Variants in ALK observed in about 807,000 individuals in gnomAD.
ALK encodes the protein ALK receptor tyrosine kinase.
ALK carries 74 observed loss-of-function variants against 163.1 expected under a neutral mutation model. That is an observed-to-expected ratio of 0.45 (90% CI 0.38 to 0.55). The LOEUF is 0.55. Ranked by LOEUF, ALK falls within the 20% of genes least tolerant of loss-of-function variation. The pLI is 0.00. For missense variants in ALK, 2,063 were observed against 2,105.3 expected (o/e 0.98, Z 0.39); for synonymous variants, 960 against 843.2 (o/e 1.14, Z -2.40).
At position 29,508,277 on chromosome 2, in the gene ALK, G is replaced by A. The variant is rs1672395937; in HGVS notation, c.1154+23638C>T. 2.0e-5 allele frequency among the ~76,000 whole-genome samples: 3 copies of A among 152,298 alleles called. No individual in the cohort carries two copies. The South Asian group carries it at 6.2e-4, about 32-fold the overall frequency. ...CATTTCCTTTCTGACTCCTGCTACT[G>A]AAAGTGGTCTGTTCAGAGCAGTATA... On this transcript the variant is annotated intron_variant, in intron 4 of 28. Transcript: ENST00000389048.
At chr2:29,831,451 A>T (rs943052366) in intron 1 of ALK, among the ~76,000 whole-genome samples, 11 of 151,956 alleles carry the variant, frequency 7.2e-5, no homozygotes, top group Non-Finnish European at 1.5e-4. Flanking sequence ...TTATGCCCTG[A>T]GGCACAATGA....
intron 3 of ALK, among the ~76,000 whole-genome samples, chr2:29,571,285 T>C (rs1674360595): frequency 6.6e-6 from 1 of 152,188 alleles, no homozygotes; most frequent in South Asian, 2.1e-4. Flanking sequence ...GGTTTGGTTC[T>C]GTGTCCCCAC....
chr2:29,532,029 A>C lies in ALK; in HGVS notation c.1040T>G (p.Leu347Arg), dbSNP rs1434183411. ...CAGGTGCCTGTGCACCGAGACGGCC[A>C]GTGTGCAGTGCTCACTGCTGCTCCT... ...WMRSSSEHCTLAVSVHRHLQP... is the reference protein window; with the variant it reads ...WMRSSSEHCTRAVSVHRHLQP... The change falls in exon 4 of 29, where the codon CTG becomes CGG. Residue 347 changes from leucine (L) to arginine (R), a missense_variant. This residue lies in a region of ALK where 987 missense variants were observed against 939.5 expected (regional missense o/e 1.05). Coordinates refer to ENST00000389048, the MANE Select transcript of ALK (RefSeq NM_004304.5). 1 of 1,614,148 alleles carries C rather than the reference A, an allele frequency of 6.2e-7. No homozygotes were observed. Among genetic ancestry groups the C allele is most frequent in the South Asian group, 1.1e-5 (1 of 91,072 alleles).
At chr2:29,764,256 G>T (rs993300283) in intron 1 of ALK, among the ~76,000 whole-genome samples, 1 of 152,130 alleles carries the variant, frequency 6.6e-6, no homozygotes, top group Admixed American at 6.5e-5. Context: ...AAGTGATTGT[G>T]GGGAGGGTGG....
At chr2:29,819,464 T>C (rs929011093) in intron 1 of ALK, among the ~76,000 whole-genome samples, 6 of 152,234 alleles carry the variant, frequency 3.9e-5, no homozygotes, top group Admixed American at 2.6e-4. Context: ...CTTGAAACAC[T>C]GCTGGCTTGC....
At position 29,304,499 on chromosome 2, in the gene ALK, A is replaced by AAG. The variant is rs1295059326; in HGVS notation, c.1648-7443_1648-7442insCT. On this transcript the variant is annotated intron_variant, in intron 8 of 28. Coordinates refer to ENST00000389048, the MANE Select transcript of ALK (RefSeq NM_004304.5). ...AATAGAGCAAGACTGTGTCTAAAAA[A>AAG]AAAAAAAAAAAAGAAAAGAAAAAAG... Among the ~76,000 whole-genome samples the AAG allele has an allele frequency of 7.3e-5, 11 of 151,180 alleles. 1 individual carries two copies. The highest frequency in any genetic ancestry group is 7.2e-4 in the Admixed American group (11 of 15,190).
intron 11 of ALK, among the ~76,000 whole-genome samples, chr2:29,274,173 T>C (rs1339367088): frequency 1.3e-5 from 2 of 152,250 alleles, no homozygotes; most frequent in Non-Finnish European, 2.9e-5. Context: ...GACAAAGCCA[T>C]GCTAATGTCT....
At chr2:29,800,351 A>G (rs1336232128) in intron 1 of ALK, among the ~76,000 whole-genome samples, 1 of 152,224 alleles carries the variant, frequency 6.6e-6, no homozygotes, top group East Asian at 1.9e-4. Context: ...ATGTTTCTTC[A>G]TCATTCCCAG....
intron 3 of ALK, among the ~76,000 whole-genome samples, chr2:29,665,786 C>T (rs1054276989): frequency 2.0e-5 from 3 of 151,968 alleles, no homozygotes; most frequent in Non-Finnish European, 4.4e-5. Context: ...TGAGTTTAAG[C>T]CTGGGATTGG....
intron 1 of ALK, among the ~76,000 whole-genome samples, chr2:29,858,059 A>ATG (rs67913585): frequency 4.6e-5 from 7 of 151,676 alleles, no homozygotes; most frequent in East Asian, 1.9e-4. Flanking sequence ...GTGTGTGTGC[A>ATG]TGTGTGTGTG....
rs151011760 is a variant in ALK, at chr2:29,733,409, G to A, written c.668-15712C>T. 2.8e-4 allele frequency among the ~76,000 whole-genome samples: 43 copies of A among 152,264 alleles called. 1 individual carries two copies. Among genetic ancestry groups the A allele is most frequent in the African/African-American group, 1.0e-3 (43 of 41,568 alleles). The stretch of plus-strand genomic sequence containing the variant: ...TCCCAGATGGTACCATGCTGTCTTG[G>A]AGTTGAGATCATGGGTTTAGATGTC... On this transcript the variant is annotated intron_variant, in intron 1 of 28. Coordinates refer to ENST00000389048, the MANE Select transcript of ALK (RefSeq NM_004304.5).
intron 8 of ALK, among the ~76,000 whole-genome samples, chr2:29,302,802 C>G (rs1318318291): frequency 1.3e-5 from 2 of 152,126 alleles, no homozygotes; most frequent in Non-Finnish European, 2.9e-5. Flanking sequence ...AGGATATAAG[C>G]AGTCCACTGG....
At chr2:29,666,302 C>T (rs1377781637) in intron 3 of ALK, among the ~76,000 whole-genome samples, 2 of 151,946 alleles carry the variant, frequency 1.3e-5, no homozygotes, top group East Asian at 1.9e-4. Context: ...ACTAGATGGT[C>T]GTTTCTAGGG....
rs550348843 is a variant in ALK, at chr2:29,811,240, C to A, written c.668-93543G>T. On this transcript the variant is annotated intron_variant, in intron 1 of 28. Transcript: ENST00000389048. ...AGAGAAGGCACATTCTGACTCCCCC[C>A]CTTTGAAACTGAAGAGCACAAGAAA... Among the ~76,000 whole-genome samples the A allele has an allele frequency of 1.9e-4, 27 of 143,502 alleles. No homozygotes were observed. The South Asian group carries it at 3.5e-3, about 18-fold the overall frequency. The allele number at this position is 143,502 out of a possible 152,430, so 94.1% of individuals were successfully genotyped here.
intron 4 of ALK, among the ~76,000 whole-genome samples, chr2:29,500,598 A>G (rs547909008): frequency 6.6e-6 from 1 of 151,434 alleles, no homozygotes; most frequent in East Asian, 1.9e-4. Context: ...TATCCTCATC[A>G]TGTGCTCTAG....
At chr2:29,880,437 TG>T (rs908075672) in intron 1 of ALK, among the ~76,000 whole-genome samples, 1 of 152,100 alleles carries the variant, frequency 6.6e-6, no homozygotes, top group African/African-American at 2.4e-5. Context: ...TTTTAAATGT[TG>T]GGGGGTCACA....
At chr2:29,584,852 T>C (rs1674834716) in intron 3 of ALK, among the ~76,000 whole-genome samples, 1 of 152,250 alleles carries the variant, frequency 6.6e-6, no homozygotes, top group African/African-American at 2.4e-5. Flanking sequence ...TCTTTAAGGA[T>C]CCATATAAAA....
At chr2:29,234,652 G>A (rs1257760296) in intron 13 of ALK, among the ~76,000 whole-genome samples, 4 of 152,104 alleles carry the variant, frequency 2.6e-5, no homozygotes, top group Admixed American at 2.6e-4. Flanking sequence ...GTGTGGCTGC[G>A]AATGAAGACA....
chr2:29,846,143 C>A (rs143641194), intron 1 of ALK, among the ~76,000 whole-genome samples: 55 of 152,324 alleles, frequency 3.6e-4, no homozygotes, highest in Non-Finnish European at 6.0e-4. Context: ...TCTGATCTCA[C>A]CTGGAATTGG....
Sources: gnomAD v4.1 joint callset for allele counts (sites outside exome capture counted in the v4.1 genomes callset) on GRCh38, gnomAD v4.1.1 for gene constraint, gnomAD v4.1.1 regional missense constraint, MANE v1.5 for transcripts, NCBI Gene and HGNC (gene_info 2026-07-23, HGNC 2026-07-21) for gene names.